ARAP2: variants seen among roughly 807,000 people sequenced by gnomAD.
The protein encoded by ARAP2 is arf-GAP with Rho-GAP domain, ANK repeat and PH domain-containing protein 2.
ARAP2 carries 148 observed loss-of-function variants against 194.5 expected under a neutral mutation model. The ratio of observed to expected loss-of-function variants is 0.76; its 90% CI spans 0.67 to 0.87. The LOEUF is 0.87. Ranked by LOEUF, ARAP2 falls within the 40% of genes least tolerant of loss-of-function variation. ARAP2 has a pLI of 0.00. For missense variants in ARAP2, 2,128 were observed against 1,989.7 expected, an observed-to-expected ratio of 1.07 and a Z score of -1.32; for synonymous variants, 695 against 683.5, an observed-to-expected ratio of 1.02 and a Z score of -0.26.
chr4:36,026,259 C>G (rs577252526), intron 5 of ARAP2, among the ~76,000 whole-genome samples: 8 of 152,294 alleles, frequency 5.3e-5, no homozygotes, highest in Non-Finnish European at 4.4e-5. Flanking sequence ...GAATTCCTAA[C>G]TGTCAGACAC....
chr4:36,049,680 A>C (rs1005719526), intron 3 of ARAP2, among the ~76,000 whole-genome samples: 6 of 152,202 alleles, frequency 3.9e-5, no homozygotes, highest in African/African-American at 1.4e-4. Context: ...AGATGAGTGA[A>C]GCCAATGCAT....
intron 19 of ARAP2, among the ~76,000 whole-genome samples, chr4:36,138,882 T>G (rs989192354): frequency 4.0e-5 from 6 of 151,736 alleles, no homozygotes; most frequent in African/African-American, 1.4e-4. Flanking sequence ...AAAACTTAGT[T>G]TTTTCAGTGT....
chr4:36,060,429 A>T (rs1396880816), intron 1 of ARAP2, among the ~76,000 whole-genome samples: 1 of 152,136 alleles, frequency 6.6e-6, no homozygotes, highest in Non-Finnish European at 1.5e-5. Flanking sequence ...ACATCTCAAC[A>T]TGTCTTTCTT....
At chr4:36,155,807 G>A (rs928231466) in intron 15 of ARAP2, among the ~76,000 whole-genome samples, 1 of 151,924 alleles carries the variant, frequency 6.6e-6, no homozygotes, top group African/African-American at 2.4e-5. Context: ...TAAAAAATAA[G>A]GTTATATTCT....
intron 19 of ARAP2, among the ~76,000 whole-genome samples, chr4:36,135,462 C>T (rs1012786549): frequency 2.6e-5 from 4 of 151,754 alleles, no homozygotes; most frequent in African/African-American, 9.7e-5. Flanking sequence ...TTGTAATCTT[C>T]ATCTCTTGCT....
At chr4:36,101,086 T>C (rs1438556760) in intron 27 of ARAP2, among the ~76,000 whole-genome samples, 4 of 152,100 alleles carry the variant, frequency 2.6e-5, no homozygotes, top group Non-Finnish European at 5.9e-5. Context: ...CATTAGGTAT[T>C]ATAAATAAAC....
In ARAP2 at chr4:36,167,017, T is replaced by C; in HGVS notation, c.1888A>G (p.Ile630Val). 6.2e-7 allele frequency: 1 copy of C among 1,601,228 alleles called. No individual in the cohort carries two copies. Among genetic ancestry groups the C allele is most frequent in the Non-Finnish European group, 8.5e-7 (1 of 1,174,598 alleles). Residue 630 changes from isoleucine to valine, a missense_variant, in exon 10 of 33, where the codon ATT becomes GTT. Transcript: ENST00000303965. ...DFKSGLGITI[I>V]PMNVANVKQV... Reference sequence around the variant, plus strand: ...TTTACATTTGCTACATTCATAGGAATTATGGTAATACCAAGTCCACTCTTA... The same window carrying C: ...TTTACATTTGCTACATTCATAGGAACTATGGTAATACCAAGTCCACTCTTA...
intron 10 of ARAP2, among the ~76,000 whole-genome samples, chr4:36,166,701 T>C (rs1183279735): frequency 6.6e-6 from 1 of 151,986 alleles, no homozygotes; most frequent in African/African-American, 2.4e-5. Flanking sequence ...AAAATAAGTA[T>C]TAAGAAATTA....
intron 9 of ARAP2, among the ~76,000 whole-genome samples, chr4:36,169,252 A>G (rs1448718676): frequency 2.0e-5 from 3 of 152,240 alleles, no homozygotes; most frequent in South Asian, 2.1e-4. Context: ...GCTGTGTATC[A>G]GATCATTCCA....
At chr4:36,125,739 G>T (rs754216767) in intron 21 of ARAP2, among the ~76,000 whole-genome samples, 4 of 152,006 alleles carry the variant, frequency 2.6e-5, no homozygotes, top group Non-Finnish European at 5.9e-5. Flanking sequence ...TCTGTAGAGA[G>T]CATGCAGTGA....
chr4:36,017,846 G>T lies in ARAP2; in HGVS notation n.750+1298C>A, dbSNP rs571698376. Among the ~76,000 whole-genome samples the T allele has an allele frequency of 7.2e-5, 11 of 152,218 alleles. No individual in the cohort carries two copies. In the East Asian group the frequency reaches 2.1e-3, roughly 29 times the overall value. ...GTGAAACAGAGTGACAAGAAGAAAG[G>T]GTGGAAGCAGGAAGACTGGTGAAGA... On this transcript the variant is annotated intron_variant and non_coding_transcript_variant, in intron 6 of 12. Transcript: ENST00000503225.
At position 36,128,732 on chromosome 4, in the gene ARAP2, T is replaced by C; in HGVS notation, c.3441A>G (p.Lys1147=). Residue 1147 remains lysine, a synonymous_variant, in exon 21 of 33, where the codon AAA becomes AAG. Coordinates refer to ENST00000303965, the MANE Select transcript of ARAP2 (RefSeq NM_015230.4). ...AFVTQYGLGC[K]YIYQKNGDPL... is the part of the protein sequence containing the mutation. Reference sequence around the variant, plus strand: ...GATCACCATTCTTTTGATAGATATATTTGCATCCTAAACCTTTGTTTAAAA... The same window carrying C: ...GATCACCATTCTTTTGATAGATATACTTGCATCCTAAACCTTTGTTTAAAA... The C allele has an allele frequency of 6.3e-7, 1 of 1,587,764 alleles. No homozygotes were observed. Among genetic ancestry groups the C allele is most frequent in the South Asian group, 1.1e-5 (1 of 89,568 alleles).
intron 21 of ARAP2, among the ~76,000 whole-genome samples, chr4:36,126,098 C>T (rs1241020177): frequency 6.6e-6 from 1 of 151,944 alleles, no homozygotes; most frequent in Non-Finnish European, 1.5e-5. Context: ...AATAGCCATA[C>T]ACATGAGTAT....
chr4:36,117,689 G>A (rs1021855431), intron 24 of ARAP2, among the ~76,000 whole-genome samples: 1 of 151,492 alleles, frequency 6.6e-6, no homozygotes, highest in African/African-American at 2.4e-5. Context: ...CATAAATTTA[G>A]AAAGAAAAAT....
chr4:36,019,077 A>C lies in ARAP2; in HGVS notation n.750+67T>G, dbSNP rs1325781331. On this transcript the variant is annotated intron_variant and non_coding_transcript_variant, in intron 6 of 12. Coordinates refer to the ARAP2 transcript ENST00000503225. ...AATTTATGTCCTAACTAATATAGAA[A>C]GATTTAATATACTTTGCATATATAT... The C allele has an allele frequency of 5.3e-5, 8 of 149,622 alleles. 2 individuals are homozygous for C. Among genetic ancestry groups the C allele is most frequent in the African/African-American group, 2.1e-4 (8 of 38,940 alleles). The allele number at this position is 149,622 out of a possible 1,614,324, so 9.3% of individuals were successfully genotyped here.
intron 1 of ARAP2, among the ~76,000 whole-genome samples, chr4:36,237,752 T>A (rs191624854): frequency 6.6e-6 from 1 of 152,308 alleles, no homozygotes; most frequent in Non-Finnish European, 1.5e-5. Flanking sequence ...GGTATTCCTT[T>A]ACAGCAATAC....
rs1357166379 is a variant in ARAP2, at chr4:36,119,650, T to G, written c.3963A>C (p.Gln1321His). The change falls in exon 24 of 33, where the codon CAA becomes CAC. Residue 1321 changes from glutamine (Q) to histidine (H), a missense_variant and splice_region_variant. By Grantham distance (24) the Gln-to-His change is conservative. Coordinates refer to ENST00000303965, the MANE Select transcript of ARAP2 (RefSeq NM_015230.4). ...TAGAGATCTAACTATTACTACTCACTTGGGTGTCTTTCCACTTGGTAATAA... is the reference window on the plus strand; with the variant it reads ...TAGAGATCTAACTATTACTACTCACGTGGGTGTCTTTCCACTTGGTAATAA... Reference protein sequence around the residue: ...NSFITKWKDTQVSQAGDLLIE... With the variant: ...NSFITKWKDTHVSQAGDLLIE... 1 of 1,593,232 alleles carries G rather than the reference T, an allele frequency of 6.3e-7. No individual in the cohort carries two copies. The highest frequency in any genetic ancestry group is 1.3e-5 in the African/African-American group (1 of 74,314).
chr4:36,089,009 G>A (rs1712753418), intron 28 of ARAP2, among the ~76,000 whole-genome samples: 1 of 151,988 alleles, frequency 6.6e-6, no homozygotes, highest in Non-Finnish European at 1.5e-5. Flanking sequence ...AATTGCCTTG[G>A]TACTACTTGA....
chr4:36,163,837 G>C (rs1734656800), intron 11 of ARAP2, among the ~76,000 whole-genome samples: 1 of 152,182 alleles, frequency 6.6e-6, no homozygotes, highest in African/African-American at 2.4e-5. Flanking sequence ...AGAAGAAAAG[G>C]ATGGGATAAA....
Sources: gnomAD v4.1 joint callset for allele counts (sites outside exome capture counted in the v4.1 genomes callset) on GRCh38, gnomAD v4.1.1 for gene constraint, MANE v1.5 for transcripts, NCBI Gene and HGNC (gene_info 2026-07-23, HGNC 2026-07-21) for gene names.